Variants in UPRT observed in about 807,000 individuals in gnomAD.
UPRT encodes the protein RP11-311P8.3.
Under a neutral mutation model 22.6 loss-of-function variants are expected in UPRT, and 5 were observed. That is an observed-to-expected ratio of 0.22 (90% CI 0.12 to 0.47). UPRT has a LOEUF of 0.47. Among genes scored for constraint, UPRT ranks in the 20% least tolerant of loss-of-function variants. UPRT has a pLI of 0.99. For missense variants in UPRT, 181 were observed against 239.9 expected (o/e 0.75, Z 1.62); for synonymous variants, 77 against 87.7 (o/e 0.88, Z 0.68).
chrX:75,162,563 G>A (rs906456978), intron 2 of UPRT, among the ~76,000 whole-genome samples: 13 of 111,227 alleles, frequency 1.2e-4, no homozygotes, highest in African/African-American at 4.3e-4. Context: ...TTAATAAGAT[G>A]GGTTACAAAG....
In UPRT at chrX:75,291,148, C is replaced by T. The variant is rs143177334; in HGVS notation, c.387-2324C>T. Among the ~76,000 whole-genome samples the T allele has an allele frequency of 6.3e-3, 706 of 111,359 alleles. 7 individuals are homozygous for T. The highest frequency in any genetic ancestry group is 0.011 in the Non-Finnish European group (586 of 52,986). On this transcript the variant is annotated intron_variant, in intron 1 of 6. Coordinates refer to ENST00000373383, the MANE Select transcript of UPRT (RefSeq NM_145052.4). ...TTCTCAGATATGGTTAAATCTGCAT[C>T]GCTAAACCTGCTTGGGGTTTGTACA...
chrX:75,271,666 G>T (rs1367952831), upstream of UPRT, among the ~76,000 whole-genome samples: 2 of 112,193 alleles, frequency 1.8e-5, no homozygotes, highest in African/African-American at 6.5e-5. Context: ...AAACTAAAGA[G>T]CTTTTGCACA....
chrX:75,232,274 G>C (rs2082441143), intron 4 of UPRT, among the ~76,000 whole-genome samples: 1 of 112,657 alleles, frequency 8.9e-6, no homozygotes, highest in African/African-American at 3.2e-5. Flanking sequence ...TCCCGCACAT[G>C]GCTCGGAGGG....
intron 4 of UPRT, among the ~76,000 whole-genome samples, chrX:75,239,181 T>C (rs2082479996): frequency 1.8e-5 from 2 of 111,130 alleles, no homozygotes; most frequent in African/African-American, 3.3e-5. Context: ...ATGGTTCTTT[T>C]GAAAGATAAA....
intron 4 of UPRT, among the ~76,000 whole-genome samples, chrX:75,183,533 T>C (rs1230510377): frequency 8.9e-6 from 1 of 112,131 alleles, no homozygotes; most frequent in Non-Finnish European, 1.9e-5. Context: ...TTTGGGTATA[T>C]ACCCAGTAAT....
Position 75,274,636 on chromosome X carries a change from G to A in UPRT, c.382G>A (p.Asp128Asn), listed in dbSNP as rs771975802. Reference sequence around the variant, plus strand: ...ACGGGAGCTACAGACCATCATCCGTGACAAGTAAGCCAAGAGCGGAAGGGG... The same window carrying A: ...ACGGGAGCTACAGACCATCATCCGTAACAAGTAAGCCAAGAGCGGAAGGGG... ...QIRELQTIIRDKTASRGDFMF... is the reference protein window; with the variant it reads ...QIRELQTIIRNKTASRGDFMF... Residue 128 changes from aspartate to asparagine, a missense_variant, in exon 1 of 7, where the codon GAC (aspartate) becomes AAC (asparagine). By Grantham distance (23) the Asp-to-Asn change is conservative. Coordinates refer to ENST00000373383, the MANE Select transcript of UPRT (RefSeq NM_145052.4). 50 of 1,189,460 alleles carry A rather than the reference G, an allele frequency of 4.2e-5. No individual in the cohort carries two copies. Among genetic ancestry groups the A allele is most frequent in the Non-Finnish European group, 5.4e-5 (48 of 883,722 alleles).
rs755478798 is a variant in UPRT, at chrX:75,196,877, A to T, written c.-447+28998A>T. On this transcript the variant is annotated intron_variant, in intron 4 of 13. Transcript: ENST00000652605. ...AAGATAATAATAATAATAATAATAAAAGTGATGAATGAAACTAAGGGAGGA... is the reference window on the plus strand; with the variant it reads ...AAGATAATAATAATAATAATAATAATAGTGATGAATGAAACTAAGGGAGGA... 1.7e-4 allele frequency among the ~76,000 whole-genome samples: 19 copies of T among 111,250 alleles called. No individual in the cohort carries two copies. In the East Asian group the frequency reaches 5.1e-3, roughly 30 times the overall value.
chrX:75,225,366 C>CACACA (rs2082421310), intron 4 of UPRT, among the ~76,000 whole-genome samples: 9 of 107,908 alleles, frequency 8.3e-5, no homozygotes, highest in South Asian at 4.1e-4. Context: ...CACACACACA[C>CACACA]CCTAGGTGGG....
At chrX:75,185,312 C>A (rs2082286064) in intron 4 of UPRT, among the ~76,000 whole-genome samples, 1 of 111,759 alleles carries the variant, frequency 8.9e-6, no homozygotes, top group Non-Finnish European at 1.9e-5. Flanking sequence ...TGTGTATATG[C>A]TGGATTACAT....
chrX:75,293,438 A>C (rs763509696), intron 1 of UPRT, 34 bp from the exon 2 acceptor site: 1 of 1,186,830 alleles, frequency 8.4e-7, no homozygotes. Context: ...TTAAAGCTCT[A>C]ATTTAGACTA....
rs182019832 is a variant in UPRT, at chrX:75,159,135, C to T, written c.-736-1415C>T. Among the ~76,000 whole-genome samples the T allele has an allele frequency of 7.4e-4, 83 of 111,720 alleles. 1 individual carries two copies. The highest frequency in any genetic ancestry group is 2.6e-3 in the African/African-American group (79 of 30,777). ...GTCCCCTCCCTTCTGCTCTTCTTAC[C>T]TTCTGATAACCACTATTCTACCCTC... On this transcript the variant is annotated intron_variant, in intron 1 of 13. Transcript: ENST00000652605.
intron 1 of UPRT, among the ~76,000 whole-genome samples, chrX:75,159,428 A>AT (rs2082192379): frequency 8.9e-6 from 1 of 112,354 alleles, no homozygotes; most frequent in Non-Finnish European, 1.9e-5. Context: ...ATTGTTTATG[A>AT]TATCATATGC....
chrX:75,297,492 G>A lies in UPRT; in HGVS notation c.501G>A (p.Gly167=), dbSNP rs2082729752. Residue 167 remains glycine (G), a splice_region_variant and synonymous_variant, in exon 4 of 7, where the codon GGG becomes GGA. Coordinates refer to ENST00000373383, the MANE Select transcript of UPRT (RefSeq NM_145052.4). ...YKECMVTTPT[G]YKYEGVKFEK... ...TTCTTTGGTTTTATTTCCTAACAGG[G>A]TACAAGTATGAAGGAGTGAAATTTG... 4 of 1,208,944 alleles carry A rather than the reference G, an allele frequency of 3.3e-6. No individual in the cohort carries two copies. In the South Asian group the frequency reaches 7.0e-5, roughly 21 times the overall value.
At chrX:75,214,720 G>T (rs762028207) in intron 4 of UPRT, among the ~76,000 whole-genome samples, 1 of 111,230 alleles carries the variant, frequency 9.0e-6, no homozygotes, top group African/African-American at 3.3e-5. Context: ...GACCAGCCTG[G>T]GAAACATAGC....
At chrX:75,301,199 T>C (rs1421242651) in intron 6 of UPRT, among the ~76,000 whole-genome samples, 1 of 112,111 alleles carries the variant, frequency 8.9e-6, no homozygotes, top group Non-Finnish European at 1.9e-5. Flanking sequence ...TTTAAAAGAA[T>C]TGCAATTGTT....
At chrX:75,203,913 T>C (rs188712739) in intron 4 of UPRT, among the ~76,000 whole-genome samples, 75 of 111,719 alleles carry the variant, frequency 6.7e-4, no homozygotes, top group Non-Finnish European at 1.2e-3. Flanking sequence ...TTGCCTTCTA[T>C]TTTAATATAA....
chrX:75,296,581 G>A (rs2082726580), intron 3 of UPRT, among the ~76,000 whole-genome samples, 170 bp downstream of exon 3: 1 of 111,977 alleles, frequency 8.9e-6, no homozygotes, highest in Non-Finnish European at 1.9e-5. Context: ...AAAGAAATCT[G>A]TGTAGATGAC....
At chrX:75,295,287 T>C (rs2082722245) in intron 2 of UPRT, among the ~76,000 whole-genome samples, 1 of 110,857 alleles carries the variant, frequency 9.0e-6, no homozygotes, top group Non-Finnish European at 1.9e-5. Context: ...CTAATTTCTG[T>C]CCCAGTGTTG....
chrX:75,262,288 T>G (rs2082571183), intron 4 of UPRT, among the ~76,000 whole-genome samples: 1 of 111,622 alleles, frequency 9.0e-6, no homozygotes, highest in Admixed American at 9.6e-5. Flanking sequence ...AAGGAAGCAC[T>G]AAACATGGAA....
Sources: gnomAD v4.1 joint callset for allele counts (sites outside exome capture counted in the v4.1 genomes callset) on GRCh38, gnomAD v4.1.1 for gene constraint, MANE v1.5 for transcripts, NCBI Gene and HGNC (gene_info 2026-07-23, HGNC 2026-07-21) for gene names.